Variants in ANGPTL4 observed in about 807,000 individuals in gnomAD.
The protein encoded by ANGPTL4 is angiopoietin like 4.
A neutral mutation model predicts 39.2 loss-of-function variants in ANGPTL4; 39 were observed. The observed-to-expected ratio is 1.00, with a 90% CI of 0.77 to 1.30. The LOEUF is 1.30. Among genes scored for constraint, ANGPTL4 ranks in the 50% most tolerant of loss-of-function variants. The pLI, the probability that ANGPTL4 is intolerant of heterozygous loss-of-function variation, is 0.00. For synonymous variants in ANGPTL4, 233 were observed against 229.5 expected (o/e 1.02, Z -0.14); for missense variants, 545 against 549.8 (o/e 0.99, Z 0.09).
chr19:8,365,825 A>G (rs555630095), intron 1 of ANGPTL4, 129 bp from the exon 2 acceptor site: 7 of 770,418 alleles, frequency 9.1e-6, no homozygotes, highest in South Asian at 8.9e-5. Context: ...CATTGGGAAA[A>G]AAAAGAAAAA....
At chr19:8,367,797 C>T (rs1971036064) in intron 3 of ANGPTL4, among the ~76,000 whole-genome samples, 1 of 151,938 alleles carries the variant, frequency 6.6e-6, no homozygotes, top group African/African-American at 2.4e-5. Context: ...GACCTGCTGC[C>T]TCATTCATTC....
At chr19:8,372,389 A>G (rs1971138378) in intron 6 of ANGPTL4, among the ~76,000 whole-genome samples, 1 of 123,642 alleles carries the variant, frequency 8.1e-6, no homozygotes, top group African/African-American at 3.0e-5. Flanking sequence ...GCTCCACAGG[A>G]TTCTTTTTTT....
rs1377116277 is a variant in ANGPTL4 at position 8,374,199 on chromosome 19, C to T, written c.*313C>T. 2.1e-5 allele frequency: 8 copies of T among 388,856 alleles called. No homozygotes were observed. The highest frequency in any genetic ancestry group is 3.9e-5 in the Non-Finnish European group (8 of 206,122). The allele number at this position is 388,856 out of a possible 1,614,324, so 24.1% of individuals were successfully genotyped here. A position where few individuals can be genotyped will look rare whatever the true frequency, so the allele number is the denominator to read the frequency against. On this transcript the variant is annotated 3_prime_UTR_variant, in exon 7 of 7. Coordinates refer to ENST00000301455, the MANE Select transcript of ANGPTL4 (RefSeq NM_139314.3). ...ACCACTTGGGGCCAGCCAGACTGGC[C>T]TCAATGGCGGACTCAGTCACATTGA...
At chr19:8,369,450 C>A in intron 4 of ANGPTL4, 118 bp downstream of exon 4, 1 of 631,846 alleles carries the variant, frequency 1.6e-6, no homozygotes, top group Non-Finnish European at 2.6e-6. Flanking sequence ...GTTGCCCAAG[C>A]TGGTCTTTTT....
In ANGPTL4 at chr19:8,371,258, C is replaced by T. The variant is rs756854279; in HGVS notation, c.775C>T (p.Leu259=). The T allele has an allele frequency of 5.0e-6, 8 of 1,614,018 alleles. No individual in the cohort carries two copies. The highest frequency in any genetic ancestry group is 1.1e-5 in the South Asian group (1 of 91,080). ...CACTCCAGGCGAGTTCTGGCTGGGTCTGGAGAAGGTGCATAGCATCACGGG... is the reference window on the plus strand; with the variant it reads ...CACTCCAGGCGAGTTCTGGCTGGGTTTGGAGAAGGTGCATAGCATCACGGG... ...GDPHGEFWLG[L]EKVHSITGDR... Residue 259 remains leucine (L), a synonymous_variant, in exon 6 of 7, where the codon CTG becomes TTG. Transcript: ENST00000301455. The surrounding 1 kb of genome is among the most constrained non-coding windows in gnomAD (Gnocchi z 5.1).
At position 8,371,959 on chromosome 19, in the gene ANGPTL4, C is replaced by T. The variant is rs1202609806; in HGVS notation, c.1039+437C>T. On this transcript the variant is annotated intron_variant, in intron 6 of 6. Coordinates refer to ENST00000301455, the MANE Select transcript of ANGPTL4 (RefSeq NM_139314.3). The surrounding 1 kb of genome is among the most constrained non-coding windows in gnomAD (Gnocchi z 5.1). ...ATTTTTAGTAGAGATGGGGTTTCAC[C>T]GTGTTAGCCAGGATGGTCTCGATCT... Among the ~76,000 whole-genome samples the T allele has an allele frequency of 2.6e-5, 4 of 151,980 alleles. No individual in the cohort carries two copies. Among genetic ancestry groups the T allele is most frequent in the South Asian group, 2.1e-4 (1 of 4,812 alleles).
intron 3 of ANGPTL4, among the ~76,000 whole-genome samples, chr19:8,368,922 C>T (rs578155510): frequency 6.6e-6 from 1 of 152,022 alleles, no homozygotes; most frequent in Non-Finnish European, 1.5e-5. Flanking sequence ...TGTGGCAGGA[C>T]GGTGTGTGGT....
rs1971122272 is a variant in ANGPTL4 at position 8,371,584 on chromosome 19, C to T, written c.1039+62C>T. The T allele has an allele frequency of 1.2e-6, 2 of 1,602,502 alleles. No individual in the cohort carries two copies. Among genetic ancestry groups the T allele is most frequent in the Non-Finnish European group, 8.5e-7 (1 of 1,176,406 alleles). ...CTTCCCTCCTTATCTTTCTGCTGCT[C>T]TGTCCTGCCTTCAACCCCACATTGC... On this transcript the variant is annotated intron_variant, in intron 6 of 6. Coordinates refer to ENST00000301455, the MANE Select transcript of ANGPTL4 (RefSeq NM_139314.3). The surrounding 1 kb of genome is among the most constrained non-coding windows in gnomAD (Gnocchi z 5.1).
At position 8,364,400 on chromosome 19, in the gene ANGPTL4, C is replaced by G; in HGVS notation, c.79C>G (p.Pro27Ala). The G allele has an allele frequency of 6.5e-7, 1 of 1,546,600 alleles. No individual in the cohort carries two copies. Among genetic ancestry groups the G allele is most frequent in the Non-Finnish European group, 8.7e-7 (1 of 1,149,404 alleles). Residue 27 changes from proline (P) to alanine (A), a missense_variant, in exon 1 of 7, where the codon CCC (proline) becomes GCC (alanine). Physicochemically the swap from Pro to Ala is conservative, Grantham distance 27. Transcript: ENST00000301455. ...TAVLLSAQGG[P>A]VQSKSPRFAS... ...CGTGCTACTGAGCGCTCAGGGCGGA[C>G]CCGTGCAGTCCAAGTCGCCGCGCTT...
intron 3 of ANGPTL4, 35 bp from the exon 4 acceptor site, chr19:8,369,184 C>T: frequency 6.3e-7 from 1 of 1,576,934 alleles, no homozygotes. Flanking sequence ...AGGGGCTGCC[C>T]TCCTGTTTCA....
chr19:8,374,027 T>A lies in ANGPTL4; in HGVS notation c.*141T>A. 1.1e-6 allele frequency: 1 copy of A among 884,418 alleles called. No individual in the cohort carries two copies. The highest frequency in any genetic ancestry group is 1.8e-6 in the Non-Finnish European group (1 of 567,494). The allele number at this position is 884,418 out of a possible 1,614,324, so 54.8% of individuals were successfully genotyped here. On this transcript the variant is annotated 3_prime_UTR_variant, in exon 7 of 7. Transcript: ENST00000301455. Reference sequence around the variant, plus strand: ...TGTGGACAGAGAAGAAGACCACGACTGGAGAAGCCCCCTTTCTGAGTGCAG... The same window carrying A: ...TGTGGACAGAGAAGAAGACCACGACAGGAGAAGCCCCCTTTCTGAGTGCAG...
chr19:8,372,655 A>T (rs1373969766), intron 6 of ANGPTL4, among the ~76,000 whole-genome samples: 1 of 151,730 alleles, frequency 6.6e-6, no homozygotes, highest in Non-Finnish European at 1.5e-5. Context: ...CTAGCTGGGC[A>T]TGGTGGTGCC....
chr19:8,364,314 C>T lies in ANGPTL4; in HGVS notation c.-8C>T. 6.5e-7 allele frequency: 1 copy of T among 1,541,380 alleles called. No individual in the cohort carries two copies. Among genetic ancestry groups the T allele is most frequent in the South Asian group, 1.2e-5 (1 of 84,322 alleles). On this transcript the variant is annotated 5_prime_UTR_variant, in exon 1 of 7. Transcript: ENST00000301455. The stretch of plus-strand genomic sequence containing the variant: ...CCCCGAATCCCCGCTCCCAGGCTAC[C>T]TAAGAGGATGAGCGGTGCTCCGACG...
intron 1 of ANGPTL4, among the ~76,000 whole-genome samples, chr19:8,365,699 C>A (rs1970987918): frequency 6.6e-6 from 1 of 151,590 alleles, no homozygotes; most frequent in African/African-American, 2.4e-5. Context: ...TGACTGTAGT[C>A]CCAGCTACAC....
chr19:8,369,443 G>A, intron 4 of ANGPTL4, 111 bp downstream of exon 4: 1 of 707,658 alleles, frequency 1.4e-6, no homozygotes, highest in East Asian at 3.1e-5. Context: ...TTGCTATGTT[G>A]CCCAAGCTGG....
Position 8,364,233 on chromosome 19 carries a change from C to T in ANGPTL4, c.-89C>T, listed in dbSNP as rs1041911598. ...GCTTCTGCAACCAAGCGGGTCTTAC[C>T]CCCGGTCCTCCGCGTCTCCAGTCCT... On this transcript the variant is annotated 5_prime_UTR_variant, in exon 1 of 7. Transcript: ENST00000301455. 57 of 1,371,962 alleles carry T rather than the reference C, an allele frequency of 4.2e-5. No homozygotes were observed. The highest frequency in any genetic ancestry group is 1.2e-5 in the Non-Finnish European group (12 of 1,017,938). 85.0% of individuals were successfully genotyped at this position (1,371,962 alleles called of 1,614,324 possible).
chr19:8,373,866 G>A lies in ANGPTL4; in HGVS notation c.1201G>A (p.Ala401Thr), dbSNP rs1971179018. The A allele has an allele frequency of 1.9e-6, 3 of 1,613,520 alleles. No individual in the cohort carries two copies. The highest frequency in any genetic ancestry group is 1.7e-4 in the Middle Eastern group (1 of 5,974). The part of the protein sequence containing the change: ...QATTMLIQPM[A>T]AEAAS The stretch of plus-strand genomic sequence containing the variant: ...CACCACCATGTTGATCCAGCCCATG[G>A]CAGCAGAGGCAGCCTCCTAGCGTCC... The change falls in exon 7 of 7, where the codon GCA (alanine) becomes ACA (threonine). Residue 401 changes from alanine (A) to threonine (T), a missense_variant. By Grantham distance (58) the Ala-to-Thr change is moderately conservative. Coordinates refer to ENST00000301455, the MANE Select transcript of ANGPTL4 (RefSeq NM_139314.3).
intron 4 of ANGPTL4, among the ~76,000 whole-genome samples, chr19:8,369,977 G>A (rs12608519): frequency 1.3e-5 from 2 of 151,810 alleles, no homozygotes; most frequent in Admixed American, 6.6e-5. Context: ...GGTTGAGGCA[G>A]ACAGATCACG....
chr19:8,364,945 C>G (rs751265588), intron 1 of ANGPTL4, among the ~76,000 whole-genome samples: 20 of 152,060 alleles, frequency 1.3e-4, no homozygotes, highest in African/African-American at 4.3e-4. Flanking sequence ...CGCAGTGGCT[C>G]ACGGAGCCTC....
Sources: gnomAD v4.1 joint callset for allele counts (sites outside exome capture counted in the v4.1 genomes callset) on GRCh38, gnomAD v4.1.1 for gene constraint, Gnocchi (gnomAD v3.1) non-coding constraint, MANE v1.5 for transcripts, NCBI Gene and HGNC (gene_info 2026-07-23, HGNC 2026-07-21) for gene names.